Variants in SFMBT1 observed in about 807,000 individuals in gnomAD.
SFMBT1 encodes the protein Scm like with four mbt domains 1, also known as scm-like with four MBT domains protein 1.
In SFMBT1, 32 loss-of-function variants were observed where a neutral mutation model predicts 108.7. The ratio of observed to expected loss-of-function variants is 0.29; its 90% CI spans 0.22 to 0.40. The LOEUF (loss-of-function observed/expected upper bound fraction) is 0.40, where lower values mean the gene tolerates loss of function less well. Among genes scored for constraint, SFMBT1 ranks in the 10% least tolerant of loss-of-function variants. The pLI is 1.00. For missense variants in SFMBT1, 816 were observed against 1,059.6 expected, an observed-to-expected ratio of 0.77 and a Z score of 3.19; for synonymous variants, 348 against 369.5, an observed-to-expected ratio of 0.94 and a Z score of 0.67.
rs561407962 is a variant in SFMBT1 at position 52,997,556 on chromosome 3, T to A, written c.-130-28298A>T. On this transcript the variant is annotated intron_variant, in intron 1 of 20. Transcript: ENST00000394752. ...ATCTCAAAAAAAAAAAGAAAAGGAATTATTCTCAGCAATAAAAACAAACTA... is the reference window on the plus strand; with the variant it reads ...ATCTCAAAAAAAAAAAGAAAAGGAAATATTCTCAGCAATAAAAACAAACTA... Among the ~76,000 whole-genome samples the A allele has an allele frequency of 2.7e-5, 4 of 149,350 alleles. No homozygotes were observed. The South Asian group carries it at 8.5e-4, about 32-fold the overall frequency.
intron 9 of SFMBT1, 77 bp from the exon 10 acceptor site, chr3:52,926,190 TC>T: frequency 7.7e-7 from 1 of 1,299,612 alleles, no homozygotes; most frequent in Non-Finnish European, 1.1e-6. Flanking sequence ...TCACCAAGGG[TC>T]CACTCACAAC....
At position 52,903,786 on chromosome 3, in the gene SFMBT1, TATTCTATA is replaced by T. The variant is rs1445594847; in HGVS notation, c.*1342_*1349del. On this transcript the variant is annotated 3_prime_UTR_variant, in exon 21 of 21. Coordinates refer to ENST00000394752, the MANE Select transcript of SFMBT1 (RefSeq NM_016329.4). ...ACTAGAATAGTGCAGCAAACGCTAT[TATTCTATA>T]ATAGCTAGCAATGGAATAGTAAGTG... is the stretch of plus-strand genomic sequence containing the variant. 2 of 152,238 alleles carry T rather than the reference TATTCTATA, an allele frequency of 1.3e-5. No individual in the cohort carries two copies. The highest frequency in any genetic ancestry group is 4.8e-5 in the African/African-American group (2 of 41,460). The allele number at this position is 152,238 out of a possible 1,614,324, so 9.4% of individuals were successfully genotyped here.
chr3:52,948,825 A>ATTTTT lies in SFMBT1; in HGVS notation c.124-5237_124-5233dup, dbSNP rs71615878. ...CTCCACCATGCCTGGCTAATTTTTAATTTTTTTTTTTTTTTTTTTTTGTAG... is the reference window on the plus strand; with the variant it reads ...CTCCACCATGCCTGGCTAATTTTTAATTTTTTTTTTTTTTTTTTTTTTTTTTGTAG... On this transcript the variant is annotated intron_variant, in intron 3 of 20. Coordinates refer to ENST00000394752, the MANE Select transcript of SFMBT1 (RefSeq NM_016329.4). Among the ~76,000 whole-genome samples, 10 of 78,302 alleles carry ATTTTT rather than the reference A, an allele frequency of 1.3e-4. 1 individual carries two copies. The highest frequency in any genetic ancestry group is 6.5e-4 in the South Asian group (1 of 1,548). 51.4% of individuals were successfully genotyped at this position (78,302 alleles called of 152,430 possible).
chr3:52,980,980 T>C (rs1233323170), intron 1 of SFMBT1, among the ~76,000 whole-genome samples: 1 of 152,028 alleles, frequency 6.6e-6, no homozygotes, highest in African/African-American at 2.4e-5. Context: ...TTGACCAACA[T>C]GGAGAAACCC....
chr3:53,003,109 G>A (rs1244812203), intron 1 of SFMBT1, among the ~76,000 whole-genome samples: 4 of 117,476 alleles, frequency 3.4e-5, no homozygotes, highest in African/African-American at 1.2e-4. Flanking sequence ...GTGACAGAGT[G>A]GGACTCCATC....
chr3:53,003,245 C>T (rs891302143), intron 1 of SFMBT1, among the ~76,000 whole-genome samples: 5 of 148,246 alleles, frequency 3.4e-5, no homozygotes, highest in East Asian at 2.0e-4. Context: ...GCTAATACCA[C>T]AATTAAAACG....
intron 1 of SFMBT1, among the ~76,000 whole-genome samples, chr3:52,989,214 T>C (rs1705032843): frequency 6.6e-6 from 1 of 152,172 alleles, no homozygotes; most frequent in Non-Finnish European, 1.5e-5. Context: ...GATTAGGACT[T>C]ACCAATTCCA....
At chr3:52,963,616 T>A (rs1311681676) in intron 2 of SFMBT1, among the ~76,000 whole-genome samples, 4 of 146,902 alleles carry the variant, frequency 2.7e-5, no homozygotes, top group Non-Finnish European at 6.0e-5. Flanking sequence ...ACCTGGCTAA[T>A]TTTTTTTTTT....
intron 1 of SFMBT1, among the ~76,000 whole-genome samples, chr3:52,984,662 G>T (rs1704839011): frequency 6.8e-6 from 1 of 148,048 alleles, no homozygotes; most frequent in Non-Finnish European, 1.5e-5. Flanking sequence ...ATACTATAAT[G>T]AATACTATAT....
At position 52,911,095 on chromosome 3, in the gene SFMBT1, A is replaced by G. The variant is rs1702204610; in HGVS notation, c.1814T>C (p.Ile605Thr). Residue 605 changes from isoleucine (I) to threonine (T), a missense_variant, in exon 17 of 21, where the codon ATC becomes ACC. Physicochemically the swap from Ile to Thr is moderately conservative, Grantham distance 89. This residue lies in a region of SFMBT1 where 79 missense variants were observed against 120.8 expected (regional missense o/e 0.65). Coordinates refer to ENST00000394752, the MANE Select transcript of SFMBT1 (RefSeq NM_016329.4). ...RVTEFCRQTC[I>T]KLECCPNLFG... The stretch of plus-strand genomic sequence containing the variant: ...GAGGTTAGGACAGCATTCCAGTTTG[A>G]TACAGGTTTGCCGGCAGAATTCAGT... 1 of 1,614,052 alleles carries G rather than the reference A, an allele frequency of 6.2e-7. No individual in the cohort carries two copies. Among genetic ancestry groups the G allele is most frequent in the Non-Finnish European group, 8.5e-7 (1 of 1,180,040 alleles).
chr3:52,977,998 C>A (rs1451990321), intron 1 of SFMBT1, among the ~76,000 whole-genome samples: 1 of 142,222 alleles, frequency 7.0e-6, no homozygotes. Context: ...TATTATGTGT[C>A]AGGCACAATA....
intron 4 of SFMBT1, among the ~76,000 whole-genome samples, chr3:52,935,392 T>C (rs762977666): frequency 1.3e-5 from 2 of 152,216 alleles, no homozygotes; most frequent in African/African-American, 2.4e-5. Flanking sequence ...TTACATATTG[T>C]CTGTGGCTGC....
intron 5 of SFMBT1, among the ~76,000 whole-genome samples, chr3:52,934,430 C>CAAA (rs34039062): frequency 8.7e-6 from 1 of 114,298 alleles, no homozygotes; most frequent in Admixed American, 9.2e-5. Flanking sequence ...GTGTTCCAAG[C>CAAA]AAAAAAAAAA....
chr3:52,978,958 G>A (rs1489684379), intron 1 of SFMBT1, among the ~76,000 whole-genome samples: 1 of 152,084 alleles, frequency 6.6e-6, no homozygotes, highest in East Asian at 1.9e-4. Context: ...GTAGAGAAAA[G>A]GTAATGGATA....
At chr3:52,963,036 C>A (rs967365264) in intron 2 of SFMBT1, among the ~76,000 whole-genome samples, 4 of 151,944 alleles carry the variant, frequency 2.6e-5, no homozygotes, top group South Asian at 2.1e-4. Context: ...CTCTGTCACC[C>A]AGGCTGGAAT....
chr3:53,003,121 CAAAAAAAAAA>C (rs397894876), intron 1 of SFMBT1, among the ~76,000 whole-genome samples: 6 of 62,022 alleles, frequency 9.7e-5, no homozygotes, highest in Non-Finnish European at 1.5e-4. Context: ...GACTCCATCA[CAAAAAAAAAA>C]AAAAAAAAAA....
At chr3:53,016,256 C>A (rs749485598) in intron 1 of SFMBT1, among the ~76,000 whole-genome samples, 7 of 152,178 alleles carry the variant, frequency 4.6e-5, no homozygotes, top group Non-Finnish European at 7.3e-5. Flanking sequence ...CACTACTACA[C>A]TCTCTGAGCT....
intron 1 of SFMBT1, chr3:53,045,407 C>G (rs866558199): frequency 8.4e-5 from 12 of 143,090 alleles, no homozygotes; most frequent in African/African-American, 2.7e-4. Flanking sequence ...GCGGGCCCGG[C>G]GCGCCGGGGA....
Position 52,949,568 on chromosome 3 carries a change from C to CTTTTTTTTTTT in SFMBT1, c.123+4738_123+4748dup, listed in dbSNP as rs59842273. Among the ~76,000 whole-genome samples the CTTTTTTTTTTT allele has an allele frequency of 9.0e-5, 7 of 77,388 alleles. 1 individual carries two copies. The highest frequency in any genetic ancestry group is 4.0e-4 in the African/African-American group (7 of 17,528). The allele number at this position is 77,388 out of a possible 152,430, so 50.8% of individuals were successfully genotyped here. On this transcript the variant is annotated intron_variant, in intron 3 of 20. Coordinates refer to ENST00000394752, the MANE Select transcript of SFMBT1 (RefSeq NM_016329.4). ...CCCTTTATTATTATGTAATGTCCTT[C>CTTTTTTTTTTT]TTTTTTTTTTTTTTTTTTTTTTTTT...
Sources: gnomAD v4.1 joint callset for allele counts (sites outside exome capture counted in the v4.1 genomes callset) on GRCh38, gnomAD v4.1.1 for gene constraint, gnomAD v4.1.1 regional missense constraint, MANE v1.5 for transcripts, NCBI Gene and HGNC (gene_info 2026-07-23, HGNC 2026-07-21) for gene names.